The following ANKS1B variants were observed in gnomAD, a reference collection of about 807,000 sequenced individuals.
ANKS1B encodes the protein ankyrin repeat and sterile alpha motif domain containing 1B.
ANKS1B carries 36 observed loss-of-function variants against 148.3 expected under a neutral mutation model. The observed-to-expected ratio is 0.24, with a 90% CI of 0.19 to 0.32. The LOEUF (loss-of-function observed/expected upper bound fraction) is 0.32, where lower values mean the gene tolerates loss of function less well. ANKS1B is among the 10% of genes least tolerant of loss of function. The pLI, the probability that ANKS1B is intolerant of heterozygous loss-of-function variation, is 1.00. For missense variants in ANKS1B, 1,157 were observed against 1,542.6 expected (o/e 0.75, Z 4.19); for synonymous variants, 542 against 560.8 (o/e 0.97, Z 0.47).
intron 15 of ANKS1B, among the ~76,000 whole-genome samples, chr12:99,118,823 T>G (rs2062024758): frequency 6.6e-6 from 1 of 152,218 alleles, no homozygotes; most frequent in Non-Finnish European, 1.5e-5. Flanking sequence ...TGAAATTCAC[T>G]GATCTTCTAT....
At chr12:99,234,128 T>G (rs2087394258) in intron 14 of ANKS1B, among the ~76,000 whole-genome samples, 1 of 152,124 alleles carries the variant, frequency 6.6e-6, no homozygotes, top group African/African-American at 2.4e-5. Flanking sequence ...AGCACTTGAC[T>G]TAGTATCCTC....
chr12:99,140,011 C>T (rs1249065130), intron 15 of ANKS1B, among the ~76,000 whole-genome samples: 4 of 152,182 alleles, frequency 2.6e-5, no homozygotes, highest in African/African-American at 7.2e-5. Flanking sequence ...AGTCTGAATG[C>T]AAGTTTAGGT....
rs546111690 is a variant in ANKS1B, at chr12:99,113,385, C to T, written c.2527-28362G>A. Among the ~76,000 whole-genome samples the T allele has an allele frequency of 6.4e-4, 98 of 152,042 alleles. 1 individual carries two copies. Among genetic ancestry groups the T allele is most frequent in the African/African-American group, 2.0e-3 (85 of 41,488 alleles). On this transcript the variant is annotated intron_variant, in intron 15 of 26. Coordinates refer to ENST00000683438, the MANE Select transcript of ANKS1B (RefSeq NM_001352186.2). ...GGGGTTTCTTCATTAGTATCTGGCACGAAACACAGTGTTCAAAATACTTCT... is the reference window on the plus strand; with the variant it reads ...GGGGTTTCTTCATTAGTATCTGGCATGAAACACAGTGTTCAAAATACTTCT...
rs775620624 is a variant in ANKS1B, at chr12:98,798,958, G to T, written c.3318C>A (p.Thr1106=). The change falls in exon 22 of 27, where the codon ACC becomes ACA. Residue 1106 remains threonine (T), a synonymous_variant. Coordinates refer to ENST00000683438, the MANE Select transcript of ANKS1B (RefSeq NM_001352186.2). ...LIKELRGTES[T]QDACAKMRAN... is the part of the protein sequence containing the mutation. ...CCCGCATTTTTGCACAAGCATCTTG[G>T]GTTGATTCTGTCCCCCTAAGCTCTT... 1 of 1,610,178 alleles carries T rather than the reference G, an allele frequency of 6.2e-7. No homozygotes were observed. Among genetic ancestry groups the T allele is most frequent in the South Asian group, 1.1e-5 (1 of 90,438 alleles).
At chr12:99,299,673 A>G (rs2081350326) in intron 12 of ANKS1B, among the ~76,000 whole-genome samples, 1 of 152,210 alleles carries the variant, frequency 6.6e-6, no homozygotes, top group Non-Finnish European at 1.5e-5. Flanking sequence ...CCTATTTTCC[A>G]AAGATCACAC....
At chr12:99,118,311 A>G (rs2061899019) in intron 15 of ANKS1B, among the ~76,000 whole-genome samples, 1 of 152,228 alleles carries the variant, frequency 6.6e-6, no homozygotes, top group Admixed American at 6.5e-5. Context: ...CTTGTCCACA[A>G]TGGAAGCAAG....
intron 11 of ANKS1B, among the ~76,000 whole-genome samples, chr12:99,437,402 C>CTA (rs2095478946): frequency 6.6e-6 from 1 of 151,890 alleles, no homozygotes; most frequent in South Asian, 2.1e-4. Context: ...TCAAATTTTC[C>CTA]AGATTGACTT....
At chr12:98,809,656 G>A (rs1277028112) in intron 19 of ANKS1B, among the ~76,000 whole-genome samples, 1 of 152,186 alleles carries the variant, frequency 6.6e-6, no homozygotes, top group Non-Finnish European at 1.5e-5. Context: ...CCAGAAGGCA[G>A]AGGGCCACTC....
chr12:99,532,862 A>G (rs1169865775), intron 9 of ANKS1B, among the ~76,000 whole-genome samples: 1 of 152,084 alleles, frequency 6.6e-6, no homozygotes, highest in African/African-American at 2.4e-5. Context: ...TGGGTTCTCA[A>G]TTCTGTTACA....
intron 12 of ANKS1B, among the ~76,000 whole-genome samples, chr12:99,299,150 T>C (rs2081281246): frequency 1.3e-5 from 2 of 151,994 alleles, no homozygotes; most frequent in Admixed American, 1.3e-4. Flanking sequence ...AGCTTTGAAC[T>C]CCTGGGCTCT....
At chr12:99,703,226 T>C (rs2055157028) in intron 8 of ANKS1B, among the ~76,000 whole-genome samples, 1 of 152,120 alleles carries the variant, frequency 6.6e-6, no homozygotes, top group South Asian at 2.1e-4. Context: ...AAATATTCCA[T>C]TGTTGAGATG....
chr12:99,254,348 C>T (rs868510426), intron 12 of ANKS1B, among the ~76,000 whole-genome samples: 1 of 152,304 alleles, frequency 6.6e-6, no homozygotes, highest in Middle Eastern at 3.4e-3. Flanking sequence ...AATTTTCAGA[C>T]TAACACTAAG....
chr12:99,484,704 C>A (rs1380111012), intron 10 of ANKS1B, among the ~76,000 whole-genome samples: 1 of 144,102 alleles, frequency 6.9e-6, no homozygotes, highest in African/African-American at 2.6e-5. Context: ...ATGGTAATAT[C>A]TTTTTGCTGG....
chr12:99,190,657 T>G (rs980488699), intron 14 of ANKS1B, among the ~76,000 whole-genome samples: 3 of 152,084 alleles, frequency 2.0e-5, no homozygotes, highest in African/African-American at 7.2e-5. Context: ...AAACTGAAAC[T>G]GCACCCCCTT....
In ANKS1B at chr12:99,762,754, A is replaced by G. The variant is rs180971585; in HGVS notation, c.1128+10168T>C. Among the ~76,000 whole-genome samples, 4 of 152,326 alleles carry G rather than the reference A, an allele frequency of 2.6e-5. No individual in the cohort carries two copies. The East Asian group carries it at 7.7e-4, about 29-fold the overall frequency. Reference sequence around the variant, plus strand: ...TACAGAATGGTAGAAAATATTCACAATCCATGCATCTGACAAAGGTCTAAT... The same window carrying G: ...TACAGAATGGTAGAAAATATTCACAGTCCATGCATCTGACAAAGGTCTAAT... On this transcript the variant is annotated intron_variant, in intron 8 of 26. Coordinates refer to ENST00000683438, the MANE Select transcript of ANKS1B (RefSeq NM_001352186.2).
intron 2 of ANKS1B, among the ~76,000 whole-genome samples, chr12:99,821,319 A>G (rs1470998869): frequency 6.6e-6 from 1 of 152,168 alleles, no homozygotes; most frequent in East Asian, 1.9e-4. Flanking sequence ...AAGATAAATG[A>G]GATCTTTCAG....
At chr12:99,777,049 T>C (rs1439478261) in intron 6 of ANKS1B, among the ~76,000 whole-genome samples, 1 of 152,208 alleles carries the variant, frequency 6.6e-6, no homozygotes, top group African/African-American at 2.4e-5. Context: ...GGGCTCAAAA[T>C]ATGTGATATA....
intron 15 of ANKS1B, among the ~76,000 whole-genome samples, chr12:99,114,022 A>G (rs955827490): frequency 1.3e-5 from 2 of 152,210 alleles, no homozygotes; most frequent in African/African-American, 4.8e-5. Flanking sequence ...TAGTGGAGTA[A>G]TAACAGCTTT....
intron 12 of ANKS1B, among the ~76,000 whole-genome samples, chr12:99,367,551 T>A (rs182960154): frequency 2.1e-3 from 324 of 151,970 alleles, no homozygotes; most frequent in Middle Eastern, 3.4e-3. Flanking sequence ...AGAGAGAGAG[T>A]TCCAGGAGAA....
Sources: allele counts gnomAD v4.1 joint callset (sites outside exome capture counted in the v4.1 genomes callset), GRCh38; gene constraint gnomAD v4.1.1; transcripts MANE v1.5; gene names NCBI Gene and HGNC (gene_info 2026-07-23, HGNC 2026-07-21).